The following AHCY variants were observed in gnomAD, a reference collection of about 807,000 sequenced individuals.
The protein encoded by AHCY is S-adenosyl-L-homocysteine hydrolase.
A neutral mutation model predicts 45.4 loss-of-function variants in AHCY; 24 were observed. The observed-to-expected ratio is 0.53, with a 90% confidence interval of 0.38 to 0.74. The LOEUF (loss-of-function observed/expected upper bound fraction) is 0.74. Ranked by LOEUF, AHCY falls within the 30% of genes least tolerant of loss-of-function variation. The pLI, the probability that AHCY is intolerant of heterozygous loss-of-function variation, is 0.00. For missense variants in AHCY, 449 were observed against 594.1 expected, an observed-to-expected ratio of 0.76 and a Z score of 2.54; for synonymous variants, 245 against 235.1, an observed-to-expected ratio of 1.04 and a Z score of -0.39.
rs1394303651 is a variant in AHCY, at chr20:34,293,934, C to T, written c.295+147G>A. The stretch of plus-strand genomic sequence containing the variant: ...TGATGATGGGACAAAGCAGCTCTTT[C>T]CTGTGGGGTCGCTGGGCTAGGATTT... On this transcript the variant is annotated intron_variant, in intron 3 of 9. Coordinates refer to ENST00000217426, the MANE Select transcript of AHCY (RefSeq NM_000687.4). 5.0e-6 allele frequency: 4 copies of T among 805,804 alleles called. No homozygotes were observed. In the East Asian group the frequency reaches 1.1e-4, roughly 21 times the overall value. The allele number at this position is 805,804 out of a possible 1,614,324, so 49.9% of individuals were successfully genotyped here.
intron 8 of AHCY, among the ~76,000 whole-genome samples, chr20:34,289,610 TG>T (rs1163362358): frequency 6.6e-6 from 1 of 151,588 alleles, no homozygotes; most frequent in East Asian, 1.9e-4. Flanking sequence ...CCCAAATAGC[TG>T]GGATTACAGG....
upstream of AHCY, among the ~76,000 whole-genome samples, chr20:34,307,067 G>A (rs1601693619): frequency 6.6e-6 from 1 of 151,986 alleles, no homozygotes; most frequent in Non-Finnish European, 1.5e-5. Context: ...GGGAGAAAGC[G>A]AGCAAAGGGC....
At chr20:34,270,788 G>A in the AHCY span, among the ~76,000 whole-genome samples, 3 of 152,172 alleles carry the variant, frequency 2.0e-5, no homozygotes, top group Non-Finnish European at 2.9e-5. Flanking sequence ...GGTTAGAACC[G>A]TTGTTAGCAT....
At position 34,303,080 on chromosome 20, in the gene AHCY, G is replaced by T. The variant is rs534044685; in HGVS notation, c.28+163C>A. 2.4e-4 allele frequency: 238 copies of T among 984,988 alleles called. No individual in the cohort carries two copies. In the African/African-American group the frequency reaches 3.9e-3, roughly 16 times the overall value. The allele number at this position is 984,988 out of a possible 1,614,324, so 61.0% of individuals were successfully genotyped here. ...CCCGGAACGGCCCGCTCATGGCCGC[G>T]CGAGAACTCCAACTTCCAGCTGGCT... is the stretch of plus-strand genomic sequence containing the variant. On this transcript the variant is annotated intron_variant, in intron 1 of 9. Transcript: ENST00000217426.
the AHCY span, among the ~76,000 whole-genome samples, chr20:34,254,563 C>G: frequency 3.3e-5 from 5 of 152,316 alleles, no homozygotes; most frequent in East Asian, 7.7e-4. Flanking sequence ...GGCAACAAAA[C>G]CCGTCCCGAA....
upstream of AHCY, chr20:34,303,398 T>C: frequency 7.5e-7 from 1 of 1,335,390 alleles, no homozygotes; most frequent in Non-Finnish European, 1.1e-6. Context: ...TTCCTCGCAC[T>C]TGCATATTCA....
At chr20:34,298,438 T>C (rs953124756) in intron 1 of AHCY, among the ~76,000 whole-genome samples, 13 of 151,510 alleles carry the variant, frequency 8.6e-5, no homozygotes, top group Admixed American at 8.6e-4. Flanking sequence ...AAGACAAGAG[T>C]GCGAGCCTTC....
rs560691428 is a variant in AHCY at position 34,285,562 on chromosome 20, A to T, written c.1045T>A (p.Cys349Ser). 27 of 1,614,176 alleles carry T rather than the reference A, an allele frequency of 1.7e-5. No individual in the cohort carries two copies. The South Asian group carries it at 3.0e-4, about 18-fold the overall frequency. ...ACGAAGCTGGGGTGGCCCATGGCAC[A>T]ACCCAGGTTGACCAGCCGACCCTCG... The part of the protein sequence containing the change: ...LAEGRLVNLG[C>S]AMGHPSFVMS... Residue 349 changes from cysteine to serine, a missense_variant, in exon 9 of 10, where the codon TGT (cysteine) becomes AGT (serine). Physicochemically the swap from Cys to Ser is moderately radical, Grantham distance 112. Coordinates refer to ENST00000217426, the MANE Select transcript of AHCY (RefSeq NM_000687.4).
chr20:34,257,038 CTTTT>C, the AHCY span, among the ~76,000 whole-genome samples: 1 of 149,630 alleles, frequency 6.7e-6, no homozygotes, highest in Non-Finnish European at 1.5e-5. Flanking sequence ...TTCTTTCTTT[CTTTT>C]TCTTTCTTTC....
chr20:34,234,815 C>T, the AHCY span: 1 of 152,096 alleles, frequency 6.6e-6, no homozygotes, highest in Admixed American at 6.5e-5. Flanking sequence ...CTCAGAAAAA[C>T]AACAACAAAA....
chr20:34,258,664 A>G, the AHCY span, among the ~76,000 whole-genome samples: 1 of 15,892 alleles, frequency 6.3e-5, no homozygotes, highest in Non-Finnish European at 2.3e-4. Context: ...ATATCTTAGA[A>G]GGGGGATGCC....
intron 9 of AHCY, among the ~76,000 whole-genome samples, chr20:34,284,440 G>A (rs184673090): frequency 2.8e-4 from 42 of 152,238 alleles, no homozygotes; most frequent in Non-Finnish European, 5.3e-4. Flanking sequence ...GGGATTACAG[G>A]TGTGAGCCAC....
chr20:34,270,666 A>G, the AHCY span, among the ~76,000 whole-genome samples: 1 of 152,196 alleles, frequency 6.6e-6, no homozygotes, highest in Non-Finnish European at 1.5e-5. Flanking sequence ...ATGTGTATTG[A>G]GCACCTAGTG....
intron 2 of AHCY, 111 bp downstream of exon 2, chr20:34,295,284 C>T: frequency 7.5e-7 from 1 of 1,329,026 alleles, no homozygotes; most frequent in Non-Finnish European, 1.1e-6. Flanking sequence ...CCCCTCCAGG[C>T]CCGCGGTCAG....
the AHCY span, among the ~76,000 whole-genome samples, chr20:34,262,211 C>G: frequency 6.6e-6 from 1 of 152,188 alleles, no homozygotes; most frequent in Non-Finnish European, 1.5e-5. Context: ...TTCAGTGTAA[C>G]AGACTTTTCA....
chr20:34,260,587 A>C, the AHCY span: 1 of 1,528,936 alleles, frequency 6.5e-7, no homozygotes, highest in South Asian at 1.2e-5. Context: ...GCAGGAGATC[A>C]AGCATGCTTC....
At chr20:34,275,225 C>T in the AHCY span, among the ~76,000 whole-genome samples, 2 of 151,170 alleles carry the variant, frequency 1.3e-5, no homozygotes, top group South Asian at 2.1e-4. Context: ...CTCCGCCTCA[C>T]GGGTTCAAGC....
chr20:34,271,657 C>T, the AHCY span, among the ~76,000 whole-genome samples: 3 of 151,500 alleles, frequency 2.0e-5, no homozygotes, highest in African/African-American at 7.3e-5. Flanking sequence ...CCTCTGCCTC[C>T]CAGGTTCAAG....
Position 34,295,501 on chromosome 20 carries a change from C to T in AHCY, c.113G>A (p.Arg38Gln), listed in dbSNP as rs771494586. ...CTTCAGTGGCTTGGAGGCCGAGTAC[C>T]GCTCCCGCATACGCATCAGGCCCGG... ...EMPGLMRMRERYSASKPLKGA... is the reference protein window; with the variant it reads ...EMPGLMRMREQYSASKPLKGA... Residue 38 changes from arginine to glutamine, a missense_variant, in exon 2 of 10, where the codon CGG becomes CAG. Arg to Gln is a conservative substitution (Grantham distance 43). Coordinates refer to ENST00000217426, the MANE Select transcript of AHCY (RefSeq NM_000687.4). 5.6e-6 allele frequency: 9 copies of T among 1,613,942 alleles called. No individual in the cohort carries two copies. The highest frequency in any genetic ancestry group is 4.0e-5 in the African/African-American group (3 of 74,942).
Sources: gnomAD v4.1 joint callset for allele counts (sites outside exome capture counted in the v4.1 genomes callset) on GRCh38, gnomAD v4.1.1 for gene constraint, MANE v1.5 for transcripts, NCBI Gene and HGNC (gene_info 2026-07-23, HGNC 2026-07-21) for gene names.